Variants in RPTOR observed in about 807,000 individuals in gnomAD.
RPTOR encodes the protein regulatory associated protein of MTOR complex 1, also known as regulatory-associated protein of mTOR.
RPTOR carries 21 observed loss-of-function variants against 169.9 expected under a neutral mutation model. That is an observed-to-expected ratio of 0.12 (90% CI 0.09 to 0.18). The LOEUF (loss-of-function observed/expected upper bound fraction) is 0.18, where lower values mean the gene tolerates loss of function less well. RPTOR is among the 10% of genes least tolerant of loss of function. The probability of loss-of-function intolerance (pLI) is 1.00; values close to 1 mark genes in which losing one functional copy is unlikely to be tolerated. For synonymous variants in RPTOR, 732 were observed against 753.2 expected (o/e 0.97, Z 0.46); for missense variants, 1,133 against 1,855.9 (o/e 0.61, Z 7.16).
At position 80,965,914 on chromosome 17, in the gene RPTOR, G is replaced by A. The variant is rs564077665; in HGVS notation, c.*1584G>A. ...TGGGCCGAGAAAGCAGCCCGGGTCC[G>A]GAAGGTGTAGAGAGTCCCGGCCTCA... On this transcript the variant is annotated 3_prime_UTR_variant, in exon 34 of 34. Coordinates refer to ENST00000306801, the MANE Select transcript of RPTOR (RefSeq NM_020761.3). The A allele has an allele frequency of 6.0e-4, 140 of 233,298 alleles. No individual in the cohort carries two copies. Among genetic ancestry groups the A allele is most frequent in the Middle Eastern group, 5.1e-3 (4 of 786 alleles). The allele number at this position is 233,298 out of a possible 1,614,324, so 14.5% of individuals were successfully genotyped here.
intron 25 of RPTOR, among the ~76,000 whole-genome samples, chr17:80,942,385 C>T (rs993262009): frequency 5.4e-5 from 8 of 149,022 alleles, no homozygotes; most frequent in South Asian, 2.2e-4. Context: ...AGCCGGCATT[C>T]GAGACCCAAA....
chr17:80,963,168 GC>G, intron 33 of RPTOR, 111 bp downstream of exon 33: 1 of 1,088,732 alleles, frequency 9.2e-7, no homozygotes, highest in Non-Finnish European at 1.3e-6. Flanking sequence ...CCACAGTGGG[GC>G]CCATTGGCTG....
At chr17:80,879,650 G>A (rs2068163398) in intron 13 of RPTOR, among the ~76,000 whole-genome samples, 1 of 152,272 alleles carries the variant, frequency 6.6e-6, no homozygotes. Flanking sequence ...TGTGAGCAGG[G>A]CACAAATACC....
At position 80,966,117 on chromosome 17, in the gene RPTOR, A is replaced by ACCCCCCCCCCCCCCC. The variant is rs55752459; in HGVS notation, c.*1796_*1797insCCCCCCCCCCCCCCC. On this transcript the variant is annotated 3_prime_UTR_variant, in exon 34 of 34. Transcript: ENST00000306801. Reference sequence around the variant, plus strand: ...GGCAGGTGGCTCCAGAGGGGTCAAGACCCCCCCCCGCCCCCGCTCCACCCT... The same window carrying ACCCCCCCCCCCCCCC: ...GGCAGGTGGCTCCAGAGGGGTCAAGACCCCCCCCCCCCCCCCCCCCCCCCGCCCCCGCTCCACCCT... The ACCCCCCCCCCCCCCC allele has an allele frequency of 1.1e-5, 2 of 175,608 alleles. No individual in the cohort carries two copies. Among genetic ancestry groups the ACCCCCCCCCCCCCCC allele is most frequent in the Admixed American group, 8.1e-5 (1 of 12,354 alleles). 10.9% of individuals were successfully genotyped at this position (175,608 alleles called of 1,614,324 possible). A position where few individuals can be genotyped will look rare whatever the true frequency, so the allele number is the denominator to read the frequency against.
intron 3 of RPTOR, among the ~76,000 whole-genome samples, chr17:80,645,865 G>C (rs778269075): frequency 6.6e-6 from 1 of 152,192 alleles, no homozygotes; most frequent in Non-Finnish European, 1.5e-5. Flanking sequence ...TTCGGACAGC[G>C]AGCACAGGTG....
At chr17:80,774,640 C>T (rs2066875804) in intron 6 of RPTOR, among the ~76,000 whole-genome samples, 3 of 152,170 alleles carry the variant, frequency 2.0e-5, no homozygotes. Flanking sequence ...TACTTGATGC[C>T]GTGCCGTACT....
At chr17:80,808,669 G>A (rs1381377872) in intron 7 of RPTOR, among the ~76,000 whole-genome samples, 8 of 152,162 alleles carry the variant, frequency 5.3e-5, no homozygotes, top group Non-Finnish European at 1.2e-4. Context: ...ACCTGTCCCA[G>A]TTAATCCCTC....
intron 3 of RPTOR, among the ~76,000 whole-genome samples, chr17:80,700,682 G>GTGA (rs1290766409): frequency 4.1e-5 from 3 of 72,416 alleles, no homozygotes; most frequent in Admixed American, 1.5e-4. Context: ...GATGATGGAG[G>GTGA]TGGTGGTGAT....
intron 1 of RPTOR, among the ~76,000 whole-genome samples, chr17:80,573,990 A>C (rs2064934327): frequency 6.6e-6 from 1 of 152,194 alleles, no homozygotes; most frequent in African/African-American, 2.4e-5. Context: ...TTTGGGCTTC[A>C]TGTCAATTCT....
chr17:80,545,887 TC>T lies in RPTOR; in HGVS notation c.162+101del. 5.6e-6 allele frequency: 6 copies of T among 1,077,492 alleles called. No homozygotes were observed. In the South Asian group the frequency reaches 1.1e-4, roughly 19 times the overall value. 66.7% of individuals were successfully genotyped at this position (1,077,492 alleles called of 1,614,324 possible). A position where few individuals can be genotyped will look rare whatever the true frequency, so the allele number is the denominator to read the frequency against. Reference sequence around the variant, plus strand: ...GTGTCCTTGGGAAAGCGCCGACATTTCCCCCTAGCCACACGTTGTAAGTCAA... The same window carrying T: ...GTGTCCTTGGGAAAGCGCCGACATTTCCCCTAGCCACACGTTGTAAGTCAA... On this transcript the variant is annotated intron_variant, in intron 1 of 33. Transcript: ENST00000306801.
intron 5 of RPTOR, among the ~76,000 whole-genome samples, chr17:80,742,752 G>A (rs1294179172): frequency 7.2e-5 from 11 of 151,792 alleles, no homozygotes; most frequent in Non-Finnish European, 1.6e-4. Flanking sequence ...ACACATACAT[G>A]CACATATAGA....
chr17:80,615,715 CT>C (rs2065304516), intron 1 of RPTOR, among the ~76,000 whole-genome samples: 1 of 152,168 alleles, frequency 6.6e-6, no homozygotes. Context: ...CTCAGGCCTT[CT>C]TATTCCACCG....
At chr17:80,611,193 G>A (rs754286396) in intron 1 of RPTOR, among the ~76,000 whole-genome samples, 18 of 152,182 alleles carry the variant, frequency 1.2e-4, no homozygotes, top group Admixed American at 2.6e-4. Context: ...GCATTTTGTC[G>A]TATTTGCTCT....
Position 80,634,689 on chromosome 17 carries a change from GTGTGCGTGTGCGTAC to G in RPTOR, c.265+8901_265+8915del, listed in dbSNP as rs1345377318. Reference sequence around the variant, plus strand: ...TGTGTGCGTACTGTGTGTGCGTACTGTGTGCGTGTGCGTACTGTGTGTGTGCGTACTGTGTGTGTG... The same window carrying G: ...TGTGTGCGTACTGTGTGTGCGTACTGTGTGTGTGTGCGTACTGTGTGTGTG... On this transcript the variant is annotated intron_variant, in intron 2 of 33. Coordinates refer to ENST00000306801, the MANE Select transcript of RPTOR (RefSeq NM_020761.3). Among the ~76,000 whole-genome samples, 188 of 95,574 alleles carry G rather than the reference GTGTGCGTGTGCGTAC, an allele frequency of 2.0e-3. 17 individuals carry two copies. The highest frequency in any genetic ancestry group is 5.4e-3 in the African/African-American group (116 of 21,452). The allele number at this position is 95,574 out of a possible 152,430, so 62.7% of individuals were successfully genotyped here. A position where few individuals can be genotyped will look rare whatever the true frequency, so the allele number is the denominator to read the frequency against.
rs1026487798 is a variant in RPTOR, at chr17:80,823,458, G to A, written c.1136+235G>A. ...CCTTTTAGGACTGCACGGGAGCAGC[G>A]GCCGGCTGAAGCCTCACAGCTCTGC... On this transcript the variant is annotated intron_variant, in intron 9 of 33. Coordinates refer to ENST00000306801, the MANE Select transcript of RPTOR (RefSeq NM_020761.3). This position sits in a 1 kb window ranked among gnomAD's most constrained non-coding sequence, Gnocchi z 4.5. 4.2e-5 allele frequency: 19 copies of A among 448,804 alleles called. No homozygotes were observed. The highest frequency in any genetic ancestry group is 1.4e-4 in the African/African-American group (7 of 51,036). 27.8% of individuals were successfully genotyped at this position (448,804 alleles called of 1,614,324 possible).
chr17:80,739,962 C>G (rs1487337226), intron 5 of RPTOR, among the ~76,000 whole-genome samples: 1 of 151,706 alleles, frequency 6.6e-6, no homozygotes, highest in Non-Finnish European at 1.5e-5. Context: ...AAATTGAAAA[C>G]AGAAAAACAA....
chr17:80,561,231 C>T (rs1026555734), intron 1 of RPTOR, among the ~76,000 whole-genome samples: 2 of 127,594 alleles, frequency 1.6e-5, no homozygotes, highest in African/African-American at 3.2e-5. Context: ...CCACCACACC[C>T]GGCTAATTTA....
intron 21 of RPTOR, 26 bp downstream of exon 21, chr17:80,908,955 G>A (rs377078973): frequency 2.4e-4 from 365 of 1,499,516 alleles, no homozygotes; most frequent in Non-Finnish European, 3.2e-4. Flanking sequence ...TCCCCACCGC[G>A]CTCCAGCTGC....
chr17:80,682,593 C>T (rs2065907180), intron 3 of RPTOR, among the ~76,000 whole-genome samples: 2 of 152,222 alleles, frequency 1.3e-5, no homozygotes, highest in Admixed American at 1.3e-4. Flanking sequence ...GTGCCCACGG[C>T]CACCAGAAAC....
Sources: allele counts gnomAD v4.1 joint callset (sites outside exome capture counted in the v4.1 genomes callset), GRCh38; gene constraint gnomAD v4.1.1; non-coding constraint Gnocchi (gnomAD v3.1); transcripts MANE v1.5; gene names NCBI Gene and HGNC (gene_info 2026-07-23, HGNC 2026-07-21).